UBR1: variants seen among roughly 807,000 people sequenced by gnomAD.
The protein encoded by UBR1 is E3 ubiquitin-protein ligase UBR1.
Under a neutral mutation model 242.1 loss-of-function variants are expected in UBR1, and 102 were observed. The observed-to-expected ratio is 0.42, with a 90% confidence interval of 0.36 to 0.50. UBR1 has a LOEUF of 0.50. Among genes scored for constraint, UBR1 ranks in the 20% least tolerant of loss-of-function variants. UBR1 has a pLI of 0.01. For synonymous variants in UBR1, 675 were observed against 684.8 expected (o/e 0.99, Z 0.22); for missense variants, 1,772 against 2,101.8 (o/e 0.84, Z 3.07).
chr15:42,980,339 C>A (rs540239250), intron 37 of UBR1, among the ~76,000 whole-genome samples: 21 of 152,270 alleles, frequency 1.4e-4, no homozygotes, highest in Non-Finnish European at 2.6e-4. Flanking sequence ...CAATTAAACA[C>A]CTCGGCAAAG....
At chr15:43,087,120 A>G (rs1331607746) in intron 1 of UBR1, among the ~76,000 whole-genome samples, 1 of 152,128 alleles carries the variant, frequency 6.6e-6, no homozygotes, top group Non-Finnish European at 1.5e-5. Flanking sequence ...AGCTAATAGA[A>G]TCGGGCCGGG....
intron 46 of UBR1, among the ~76,000 whole-genome samples, chr15:42,946,367 C>G (rs1230358185): frequency 6.6e-6 from 1 of 152,134 alleles, no homozygotes; most frequent in Non-Finnish European, 1.5e-5. Context: ...ACCTCGTGAT[C>G]CGCCCGCCTC....
rs910510638 is a variant in UBR1 at position 43,081,991 on chromosome 15, T to G, written c.417+647A>C. ...AAATATTATATACATAATATGTTCT[T>G]AAAAAAGCACAATGTATAATTTTAT... On this transcript the variant is annotated intron_variant, in intron 3 of 46. Transcript: ENST00000290650. Among the ~76,000 whole-genome samples, 8 of 152,168 alleles carry G rather than the reference T, an allele frequency of 5.3e-5. No individual in the cohort carries two copies. The South Asian group carries it at 1.4e-3, about 28-fold the overall frequency.
At chr15:43,065,552 G>A (rs1024434233) in intron 6 of UBR1, among the ~76,000 whole-genome samples, 2 of 152,036 alleles carry the variant, frequency 1.3e-5, no homozygotes, top group African/African-American at 2.4e-5. Flanking sequence ...TGTTCCCCAC[G>A]AAGTGGCCAT....
intron 42 of UBR1, among the ~76,000 whole-genome samples, chr15:42,961,153 C>T (rs1232455660): frequency 2.8e-5 from 4 of 142,376 alleles, no homozygotes; most frequent in African/African-American, 7.9e-5. Flanking sequence ...TTGCTCTTGT[C>T]GCCCAGGCTG....
chr15:43,026,586 T>C lies in UBR1; in HGVS notation c.2510A>G (p.His837Arg), dbSNP rs2033180785. 2.5e-6 allele frequency: 4 copies of C among 1,613,214 alleles called. No homozygotes were observed. Among genetic ancestry groups the C allele is most frequent in the Non-Finnish European group, 3.4e-6 (4 of 1,179,666 alleles). ...SLKDFNMYFY[H>R]YSKTQHSKAE... ...CTTGCTATGCTGGGTTTTGGAGTAA[T>C]GATAAAAGTACATATTGAAGTCTTT... The change falls in exon 23 of 47, where the codon CAT (histidine) becomes CGT (arginine). Residue 837 changes from histidine to arginine, a missense_variant. Coordinates refer to ENST00000290650, the MANE Select transcript of UBR1 (RefSeq NM_174916.3).
intron 10 of UBR1, 27 bp downstream of exon 10, chr15:43,058,314 A>G (rs771647136): frequency 2.2e-6 from 3 of 1,393,908 alleles, no homozygotes; most frequent in African/African-American, 2.9e-5. Context: ...ATTTCTATTT[A>G]TTGATATCTA....
At chr15:43,089,875 A>G (rs2034087491) in intron 1 of UBR1, among the ~76,000 whole-genome samples, 1 of 152,268 alleles carries the variant, frequency 6.6e-6, no homozygotes. Flanking sequence ...GAAAACAAGG[A>G]AAGATCAAGA....
Position 42,976,694 on chromosome 15 carries a change from C to T in UBR1, c.4369+23G>A, listed in dbSNP as rs768331868. ...AGCATGGCAAAATGTTATTCACAGT[C>T]AACACCCAGATGAAAACCTTACCTG... On this transcript the variant is annotated intron_variant, in intron 39 of 46. Coordinates refer to ENST00000290650, the MANE Select transcript of UBR1 (RefSeq NM_174916.3). 3 of 1,613,712 alleles carry T rather than the reference C, an allele frequency of 1.9e-6. No individual in the cohort carries two copies. In the Admixed American group the frequency reaches 5.0e-5, roughly 27 times the overall value.
intron 30 of UBR1, 71 bp from the exon 31 acceptor site, chr15:43,004,001 T>C: frequency 2.2e-6 from 3 of 1,359,192 alleles, no homozygotes; most frequent in Non-Finnish European, 2.1e-6. Context: ...TCACAAACTG[T>C]CTTAGGAATG....
At chr15:42,954,021 TAC>T (rs2141250771) in intron 44 of UBR1, among the ~76,000 whole-genome samples, 2 of 151,842 alleles carry the variant, frequency 1.3e-5, no homozygotes, top group East Asian at 3.9e-4. Context: ...TAGCTGAGAC[TAC>T]AGGCACATGC....
At chr15:42,982,279 G>T (rs564223262) in intron 37 of UBR1, among the ~76,000 whole-genome samples, 1 of 152,072 alleles carries the variant, frequency 6.6e-6, no homozygotes, top group Non-Finnish European at 1.5e-5. Context: ...AAATGAAAAA[G>T]ATACCAAAAA....
chr15:43,003,965 G>C (rs746382166), intron 30 of UBR1, 35 bp from the exon 31 acceptor site: 6 of 1,592,288 alleles, frequency 3.8e-6, no homozygotes. Context: ...GAAAAAGAGA[G>C]ACAGGTTATC....
intron 39 of UBR1, among the ~76,000 whole-genome samples, chr15:42,975,920 C>T (rs578248749): frequency 7.9e-5 from 12 of 152,222 alleles, no homozygotes; most frequent in Non-Finnish European, 1.8e-4. Flanking sequence ...GTCTCACCAT[C>T]TTGTGCAGGC....
rs929668787 is a variant in UBR1, at chr15:43,027,952, T to C, written c.2380-124A>G. The stretch of plus-strand genomic sequence containing the variant: ...GTAAATAATTTTAAAAAGATCAATT[T>C]CCACTATTAAAAAATTAGGTCTAAA... On this transcript the variant is annotated intron_variant, in intron 21 of 46. Transcript: ENST00000290650. 8.7e-5 allele frequency: 75 copies of C among 861,536 alleles called. No homozygotes were observed. In the African/African-American group the frequency reaches 1.1e-3, roughly 12 times the overall value. The allele number at this position is 861,536 out of a possible 1,614,324, so 53.4% of individuals were successfully genotyped here. A position where few individuals can be genotyped will look rare whatever the true frequency, so the allele number is the denominator to read the frequency against.
At chr15:43,082,202 G>A (rs998626494) in intron 3 of UBR1, among the ~76,000 whole-genome samples, 1 of 151,590 alleles carries the variant, frequency 6.6e-6, no homozygotes, top group African/African-American at 2.4e-5. Context: ...ATCTTTAACA[G>A]TAAGTGTATG....
At chr15:43,091,920 A>AT in intron 1 of UBR1, 1 of 372,964 alleles carries the variant, frequency 2.7e-6, no homozygotes, top group East Asian at 7.3e-5. Context: ...AAAAAAAAAA[A>AT]AAAAAAAAAA....
chr15:42,959,942 G>A (rs565818206), intron 43 of UBR1, among the ~76,000 whole-genome samples: 1 of 152,334 alleles, frequency 6.6e-6, no homozygotes, highest in Non-Finnish European at 1.5e-5. Flanking sequence ...AAAGCTGGGA[G>A]TCAATTCCTC....
intron 29 of UBR1, among the ~76,000 whole-genome samples, chr15:43,010,112 T>G (rs2141291791): frequency 6.6e-6 from 1 of 152,338 alleles, no homozygotes; most frequent in East Asian, 1.9e-4. Context: ...GACCTCGTGA[T>G]CTGCCTGCCT....
Sources: gnomAD v4.1 joint callset for allele counts (sites outside exome capture counted in the v4.1 genomes callset) on GRCh38, gnomAD v4.1.1 for gene constraint, MANE v1.5 for transcripts, NCBI Gene and HGNC (gene_info 2026-07-23, HGNC 2026-07-21) for gene names.